Variants in TAFA1 observed in about 807,000 individuals in gnomAD.
TAFA1 encodes the protein TAFA chemokine like family member 1.
TAFA1 carries 4 observed loss-of-function variants against 18.5 expected under a neutral mutation model. The ratio of observed to expected loss-of-function variants is 0.22; its 90% CI spans 0.11 to 0.49. The LOEUF is 0.49. Among genes scored for constraint, TAFA1 ranks in the 20% least tolerant of loss-of-function variants. The pLI is 0.98. For synonymous variants in TAFA1, 56 were observed against 55.2 expected (o/e 1.01, Z -0.06); for missense variants, 147 against 169.0 (o/e 0.87, Z 0.72).
chr3:68,230,349 A>T (rs1318665394), intron 2 of TAFA1, among the ~76,000 whole-genome samples: 1 of 151,810 alleles, frequency 6.6e-6, no homozygotes, highest in African/African-American at 2.4e-5. Flanking sequence ...TTAATCCCAC[A>T]TATAAGTGAA....
rs544269807 is a variant in TAFA1, at chr3:68,508,820, G to A, written c.260-29936G>A. Among the ~76,000 whole-genome samples, 6 of 152,160 alleles carry A rather than the reference G, an allele frequency of 3.9e-5. No homozygotes were observed. The South Asian group carries it at 1.2e-3, about 32-fold the overall frequency. On this transcript the variant is annotated intron_variant, in intron 3 of 4. Transcript: ENST00000478136. Reference sequence around the variant, plus strand: ...GCAAGTAACAACATTAAATAAAGTGGTATAGATAGAGTTCATAGGGCAAGT... The same window carrying A: ...GCAAGTAACAACATTAAATAAAGTGATATAGATAGAGTTCATAGGGCAAGT...
chr3:68,233,569 T>G (rs572224899), intron 2 of TAFA1, among the ~76,000 whole-genome samples: 1 of 152,228 alleles, frequency 6.6e-6, no homozygotes, highest in Non-Finnish European at 1.5e-5. Flanking sequence ...TCCAGTTTTG[T>G]CCTTTTTGCT....
chr3:68,173,133 T>C (rs999975446), intron 2 of TAFA1, among the ~76,000 whole-genome samples: 1 of 152,064 alleles, frequency 6.6e-6, no homozygotes, highest in African/African-American at 2.4e-5. Context: ...CTAATGATTA[T>C]GTAAAAAAGC....
intron 3 of TAFA1, among the ~76,000 whole-genome samples, chr3:68,472,117 C>T (rs1337920386): frequency 6.6e-6 from 1 of 151,950 alleles, no homozygotes; most frequent in Non-Finnish European, 1.5e-5. Flanking sequence ...GACTGTGTCC[C>T]CACCCAAATC....
intron 2 of TAFA1, among the ~76,000 whole-genome samples, chr3:68,150,990 C>A (rs1047962020): frequency 1.3e-5 from 2 of 151,836 alleles, no homozygotes; most frequent in African/African-American, 4.8e-5. Context: ...ACACTAGAAA[C>A]TAGAAACTAA....
intron 2 of TAFA1, among the ~76,000 whole-genome samples, chr3:68,332,538 A>G (rs1277560816): frequency 6.6e-6 from 1 of 152,236 alleles, no homozygotes; most frequent in Non-Finnish European, 1.5e-5. Context: ...TATTCAAAAT[A>G]TAAGAAACTC....
rs370472100 is a variant in TAFA1 at position 68,490,982 on chromosome 3, G to C, written c.260-47774G>C. 8.7e-4 allele frequency among the ~76,000 whole-genome samples: 132 copies of C among 152,142 alleles called. 2 individuals carry two copies. In the East Asian group the frequency reaches 0.015, roughly 17 times the overall value. ...ACCCCCCGAGTTGCTGGAACTATGG[G>C]TGTACACTGCCACACCCAGCTAAGT... is the stretch of plus-strand genomic sequence containing the variant. On this transcript the variant is annotated intron_variant, in intron 3 of 4. Coordinates refer to ENST00000478136, the MANE Select transcript of TAFA1 (RefSeq NM_213609.4).
the TAFA1 span, among the ~76,000 whole-genome samples, chr3:67,993,171 G>A: frequency 3.3e-5 from 5 of 152,248 alleles, no homozygotes; most frequent in South Asian, 6.2e-4. Flanking sequence ...ATATTGGGTA[G>A]TAGGCTTGAT....
chr3:68,405,566 G>A (rs1412837744), intron 2 of TAFA1, among the ~76,000 whole-genome samples: 1 of 151,370 alleles, frequency 6.6e-6, no homozygotes, highest in Non-Finnish European at 1.5e-5. Context: ...CAAGCATAGT[G>A]GCATGTTCTT....
intron 2 of TAFA1, among the ~76,000 whole-genome samples, chr3:68,349,881 A>G (rs932824902): frequency 6.6e-6 from 1 of 152,138 alleles, no homozygotes; most frequent in South Asian, 2.1e-4. Context: ...CGTATTCACC[A>G]TAATAGCCTT....
At chr3:68,331,052 CTGA>C (rs3033741) in intron 2 of TAFA1, among the ~76,000 whole-genome samples, 48,093 of 151,838 alleles carry the variant, frequency 0.32, 8,081 homozygotes, top group South Asian at 0.48. Context: ...TGTCCATCAG[CTGA>C]TGAAGTATAA....
chr3:68,475,717 T>A (rs2106640452), intron 3 of TAFA1, among the ~76,000 whole-genome samples: 1 of 152,234 alleles, frequency 6.6e-6, no homozygotes, highest in Admixed American at 6.5e-5. Context: ...TAGTTCTAGA[T>A]CCCTGAGGAA....
At chr3:68,505,526 C>G (rs2072732580) in intron 3 of TAFA1, among the ~76,000 whole-genome samples, 1 of 152,152 alleles carries the variant, frequency 6.6e-6, no homozygotes, top group Admixed American at 6.6e-5. Flanking sequence ...TAGCTGAATC[C>G]TCCTCTCAAT....
intron 2 of TAFA1, among the ~76,000 whole-genome samples, chr3:68,101,189 AT>A (rs1264173994): frequency 6.6e-6 from 1 of 151,984 alleles, no homozygotes; most frequent in African/African-American, 2.4e-5. Flanking sequence ...ACAGACCCCT[AT>A]TTTAGATATG....
intron 3 of TAFA1, among the ~76,000 whole-genome samples, chr3:68,499,781 T>C (rs1415707847): frequency 6.6e-6 from 1 of 151,944 alleles, no homozygotes; most frequent in East Asian, 1.9e-4. Context: ...AAGGGCAGTT[T>C]TGAAAATGTA....
chr3:68,488,961 A>T (rs2072400986), intron 3 of TAFA1, among the ~76,000 whole-genome samples: 1 of 152,218 alleles, frequency 6.6e-6, no homozygotes, highest in Non-Finnish European at 1.5e-5. Context: ...ATGCACTTAC[A>T]GATCTGACAG....
At chr3:68,485,046 GA>G (rs2072311208) in intron 3 of TAFA1, among the ~76,000 whole-genome samples, 3 of 152,064 alleles carry the variant, frequency 2.0e-5, no homozygotes, top group African/African-American at 7.2e-5. Context: ...GAATTTTAAG[GA>G]GGTGGATGTG....
intron 2 of TAFA1, among the ~76,000 whole-genome samples, chr3:68,292,292 A>G (rs2068122510): frequency 6.6e-6 from 1 of 151,620 alleles, no homozygotes; most frequent in Non-Finnish European, 1.5e-5. Context: ...TTTTCCTCTC[A>G]GTCTTCTTTT....
chr3:68,523,062 G>A (rs2073051700), intron 3 of TAFA1, among the ~76,000 whole-genome samples: 1 of 139,192 alleles, frequency 7.2e-6, no homozygotes, highest in Non-Finnish European at 1.5e-5. Flanking sequence ...GGCAGCAAGA[G>A]CGAGACTCCG....
Sources: allele counts gnomAD v4.1 joint callset (sites outside exome capture counted in the v4.1 genomes callset), GRCh38; gene constraint gnomAD v4.1.1; transcripts MANE v1.5; gene names NCBI Gene and HGNC (gene_info 2026-07-23, HGNC 2026-07-21).